The following CCDC198 variants were observed in gnomAD, a reference collection of about 807,000 sequenced individuals.
The protein encoded by CCDC198 is factor associated with metabolism and energy.
In CCDC198, 18 loss-of-function variants were observed where a neutral mutation model predicts 35.6. That is an observed-to-expected ratio of 0.51 (90% CI 0.35 to 0.75). The LOEUF (loss-of-function observed/expected upper bound fraction) is 0.75. CCDC198 is among the 30% of genes least tolerant of loss of function. The probability of loss-of-function intolerance (pLI) is 0.01; values close to 1 mark genes in which losing one functional copy is unlikely to be tolerated. For synonymous variants in CCDC198, 119 were observed against 113.4 expected (o/e 1.05, Z -0.31); for missense variants, 365 against 343.7 (o/e 1.06, Z -0.49).
In CCDC198 at chr14:57,490,943, A is replaced by G. The variant is rs752743038; in HGVS notation, c.306+46T>C. The G allele has an allele frequency of 3.0e-5, 44 of 1,450,030 alleles. No homozygotes were observed. The South Asian group carries it at 4.8e-4, about 16-fold the overall frequency. 89.8% of individuals were successfully genotyped at this position (1,450,030 alleles called of 1,614,324 possible). A position where few individuals can be genotyped will look rare whatever the true frequency, so the allele number is the denominator to read the frequency against. On this transcript the variant is annotated intron_variant, in intron 2 of 5. Coordinates refer to ENST00000216445, the MANE Select transcript of CCDC198 (RefSeq NM_018168.4). ...TTATAGTTTAAAAAGGGATGTTACC[A>G]TTTTATCCAAGAAATTCCTTATGAA...
chr14:57,493,420 G>T, intron 1 of CCDC198, 73 bp downstream of exon 1: 1 of 1,266,986 alleles, frequency 7.9e-7, no homozygotes. Flanking sequence ...AGATCATGGA[G>T]ACAGTCAGAT....
chr14:57,479,083 C>T (rs1466794995), intron 5 of CCDC198: 3 of 1,206,258 alleles, frequency 2.5e-6, no homozygotes, highest in Non-Finnish European at 3.3e-6. Context: ...GGCAATGTAG[C>T]GTAGAAGTTG....
intron 2 of CCDC198, among the ~76,000 whole-genome samples, chr14:57,483,947 C>T (rs917876903): frequency 6.6e-6 from 1 of 152,084 alleles, no homozygotes; most frequent in Non-Finnish European, 1.5e-5. Context: ...TGGATGTGGC[C>T]CCTCATGGAG....
intron 2 of CCDC198, 175 bp downstream of exon 2, chr14:57,490,814 C>G (rs1200630428): frequency 1.6e-6 from 1 of 643,540 alleles, no homozygotes; most frequent in Non-Finnish European, 2.5e-6. Flanking sequence ...GAAATCATTG[C>G]TAAAGGAAAT....
chr14:57,483,387 T>C (rs1017540869), intron 2 of CCDC198: 1 of 514,566 alleles, frequency 1.9e-6, no homozygotes, highest in Non-Finnish European at 3.4e-6. Context: ...ATCTAAGTGT[T>C]GGTCAGAGAG....
rs150085984 is a variant in CCDC198 at position 57,491,896 on chromosome 14, C to T, written c.224-825G>A. Among the ~76,000 whole-genome samples the T allele has an allele frequency of 8.2e-4, 125 of 152,190 alleles. 1 individual carries two copies. The highest frequency in any genetic ancestry group is 6.8e-3 in the East Asian group (35 of 5,184). ...AATCCCTGGGTAATTATGCATCTCT[C>T]TCCTTAAGACATGTGAATAACCACT... On this transcript the variant is annotated intron_variant, in intron 1 of 5. Coordinates refer to ENST00000216445, the MANE Select transcript of CCDC198 (RefSeq NM_018168.4).
intron 2 of CCDC198, among the ~76,000 whole-genome samples, chr14:57,486,790 T>G (rs2067376206): frequency 6.6e-6 from 1 of 152,168 alleles, no homozygotes; most frequent in South Asian, 2.1e-4. Flanking sequence ...AATATGTAGT[T>G]TCACAGATCT....
chr14:57,480,726 T>G lies in CCDC198; in HGVS notation c.524A>C (p.His175Pro). 6.2e-7 allele frequency: 1 copy of G among 1,614,100 alleles called. No individual in the cohort carries two copies. The highest frequency in any genetic ancestry group is 8.5e-7 in the Non-Finnish European group (1 of 1,179,998). The change falls in exon 5 of 6, where the codon CAT (histidine) becomes CCT (proline). Residue 175 changes from histidine (H) to proline (P), a missense_variant. Coordinates refer to ENST00000216445, the MANE Select transcript of CCDC198 (RefSeq NM_018168.4). Reference sequence around the variant, plus strand: ...TTGCTTATTAATTCTTGCCTCTCCATGAAGACTTTTCTTTAACTCCATTTG... The same window carrying G: ...TTGCTTATTAATTCTTGCCTCTCCAGGAAGACTTTTCTTTAACTCCATTTG... The part of the protein sequence containing the change: ...EAQMELKKSL[H>P]GEARINKQSP...
rs971686888 is a variant in CCDC198 at position 57,475,084 on chromosome 14, C to A, written c.656-3494G>T. Among the ~76,000 whole-genome samples, 51 of 151,946 alleles carry A rather than the reference C, an allele frequency of 3.4e-4. 1 individual carries two copies. In the East Asian group the frequency reaches 8.0e-3, roughly 24 times the overall value. On this transcript the variant is annotated intron_variant, in intron 5 of 5. Transcript: ENST00000216445. The stretch of plus-strand genomic sequence containing the variant: ...AGACCATCTTGGCTAACACAGTGAA[C>A]CCCCGTCTCTACTAAAAATACAAAA...
chr14:57,475,084 C>T (rs971686888), intron 5 of CCDC198, among the ~76,000 whole-genome samples: 1 of 151,838 alleles, frequency 6.6e-6, no homozygotes, highest in Non-Finnish European at 1.5e-5. Context: ...ACACAGTGAA[C>T]CCCCGTCTCT....
At chr14:57,480,915 A>G (rs2067161315) in intron 4 of CCDC198, among the ~76,000 whole-genome samples, 161 bp from the exon 5 acceptor site, 1 of 152,156 alleles carries the variant, frequency 6.6e-6, no homozygotes, top group East Asian at 1.9e-4. Flanking sequence ...AGGTATGGGA[A>G]CTTTATTTAT....
intron 1 of CCDC198, among the ~76,000 whole-genome samples, chr14:57,493,188 T>C (rs1168048929): frequency 6.6e-6 from 1 of 152,152 alleles, no homozygotes; most frequent in East Asian, 1.9e-4. Flanking sequence ...ATTTTAATGG[T>C]CTGGCAAAAC....
chr14:57,493,446 GC>G (rs1253447633), intron 1 of CCDC198, 46 bp downstream of exon 1: 1 of 1,460,224 alleles, frequency 6.8e-7, no homozygotes, highest in Non-Finnish European at 9.6e-7. Context: ...TATTAATAAT[GC>G]TCCTTGGTCC....
intron 5 of CCDC198, chr14:57,478,649 G>C (rs1191206181): frequency 1.0e-6 from 1 of 995,012 alleles, no homozygotes; most frequent in Non-Finnish European, 1.2e-6. Context: ...TTTAGGTGAG[G>C]TTTTTTTCTT....
At chr14:57,481,364 G>C (rs985664225) in intron 4 of CCDC198, among the ~76,000 whole-genome samples, 195 bp downstream of exon 4, 2 of 152,158 alleles carry the variant, frequency 1.3e-5, no homozygotes, top group African/African-American at 4.8e-5. Flanking sequence ...TACAAACTTA[G>C]AAAAGACTCA....
At position 57,470,733 on chromosome 14, in the gene CCDC198, C is replaced by T. The variant is rs1178268643; in HGVS notation, c.*622G>A. ...CCCCAAAGGACCACACTTTGGCACT[C>T]ATGCCCTTGTGTAGTCCTCTTCTGC... On this transcript the variant is annotated 3_prime_UTR_variant, in exon 6 of 6. Transcript: ENST00000216445. The T allele has an allele frequency of 2.6e-5, 4 of 152,296 alleles. No individual in the cohort carries two copies. The highest frequency in any genetic ancestry group is 4.8e-5 in the African/African-American group (2 of 41,478). The allele number at this position is 152,296 out of a possible 1,614,324, so 9.4% of individuals were successfully genotyped here. A position where few individuals can be genotyped will look rare whatever the true frequency, so the allele number is the denominator to read the frequency against.
At chr14:57,474,735 A>G (rs78364079) in intron 5 of CCDC198, among the ~76,000 whole-genome samples, 3,323 of 152,298 alleles carry the variant, frequency 0.022, 110 homozygotes, top group African/African-American at 0.075. Context: ...ACAGTGTTTA[A>G]AAACCTAAAT....
chr14:57,478,709 T>C (rs1318951390), intron 5 of CCDC198: 3 of 1,021,446 alleles, frequency 2.9e-6, no homozygotes, highest in Middle Eastern at 4.9e-4. Context: ...GTAAAAATTG[T>C]TTATGTGACT....
In CCDC198 at chr14:57,472,189, T is replaced by C. The variant is rs572265039; in HGVS notation, c.656-599A>G. ...GTCCAGGATCCAATCTAGGATCATA[T>C]ATTGCATTTTATTTTCTCATCTCAG... On this transcript the variant is annotated intron_variant, in intron 5 of 5. Transcript: ENST00000216445. Among the ~76,000 whole-genome samples the C allele has an allele frequency of 5.3e-5, 8 of 152,298 alleles. 1 individual carries two copies. The highest frequency in any genetic ancestry group is 1.9e-4 in the African/African-American group (8 of 41,566).
Sources: gnomAD v4.1 joint callset for allele counts (sites outside exome capture counted in the v4.1 genomes callset) on GRCh38, gnomAD v4.1.1 for gene constraint, MANE v1.5 for transcripts, NCBI Gene and HGNC (gene_info 2026-07-23, HGNC 2026-07-21) for gene names.